The following TENT4B variants were observed in gnomAD, a reference collection of about 807,000 sequenced individuals.
TENT4B encodes the protein PAP associated domain containing 5.
A neutral mutation model predicts 75.0 loss-of-function variants in TENT4B; 10 were observed. The ratio of observed to expected loss-of-function variants is 0.13; its 90% confidence interval spans 0.08 to 0.23. The LOEUF is 0.23. TENT4B is among the 10% of genes least tolerant of loss of function. The pLI, the probability that TENT4B is intolerant of heterozygous loss-of-function variation, is 1.00. For missense variants in TENT4B, 579 were observed against 893.8 expected (o/e 0.65, Z 4.49); for synonymous variants, 350 against 357.7 (o/e 0.98, Z 0.24).
chr16:50,196,763 C>CAAA (rs5816681), intron 1 of TENT4B, among the ~76,000 whole-genome samples: 1 of 138,702 alleles, frequency 7.2e-6, no homozygotes, highest in Non-Finnish European at 1.6e-5. Flanking sequence ...CCTGTCTCTA[C>CAAA]AAAAAAAAAA....
chr16:50,174,758 T>G (rs895304107), intron 1 of TENT4B, among the ~76,000 whole-genome samples: 1 of 149,394 alleles, frequency 6.7e-6, no homozygotes, highest in Non-Finnish European at 1.5e-5. Context: ...TTTTTTTTTT[T>G]TTTTTGATAC....
chr16:50,160,766 C>T (rs2037989698), intron 1 of TENT4B, among the ~76,000 whole-genome samples: 3 of 152,002 alleles, frequency 2.0e-5, no homozygotes, highest in African/African-American at 4.8e-5. Context: ...ATTTTTTTTC[C>T]TGTGGAAAGT....
intron 1 of TENT4B, among the ~76,000 whole-genome samples, chr16:50,192,569 G>T (rs1228750356): frequency 6.6e-6 from 1 of 152,172 alleles, no homozygotes; most frequent in Non-Finnish European, 1.5e-5. Flanking sequence ...TATGGAGCCT[G>T]TGTATTACCA....
chr16:50,218,754 T>G (rs1028972741), intron 5 of TENT4B, among the ~76,000 whole-genome samples: 2 of 152,234 alleles, frequency 1.3e-5, no homozygotes, highest in African/African-American at 4.8e-5. Context: ...ACAGGCTTCC[T>G]TACTTCTGTT....
intron 1 of TENT4B, 144 bp downstream of exon 1, chr16:50,154,403 C>T (rs777551777): frequency 2.4e-6 from 3 of 1,253,090 alleles, no homozygotes; most frequent in Non-Finnish European, 3.1e-6. Flanking sequence ...TGCTGCTGGC[C>T]ATCCCCAACC....
At position 50,232,390 on chromosome 16, in the gene TENT4B, C is replaced by T. The variant is rs1413185068; in HGVS notation, c.*3062C>T. ...TTACCTTTACTTGCATTTTGAGCCT[C>T]ATTAATATTTAGGTTATTTGATTTG... On this transcript the variant is annotated 3_prime_UTR_variant, in exon 12 of 12. Coordinates refer to ENST00000561678, the MANE Select transcript of TENT4B (RefSeq NM_001365324.3). 3 of 985,196 alleles carry T rather than the reference C, an allele frequency of 3.0e-6. No homozygotes were observed. The highest frequency in any genetic ancestry group is 2.4e-6 in the Non-Finnish European group (2 of 829,910). 61.0% of individuals were successfully genotyped at this position (985,196 alleles called of 1,614,324 possible). A position where few individuals can be genotyped will look rare whatever the true frequency, so the allele number is the denominator to read the frequency against.
rs556217573 is a variant in TENT4B at position 50,190,743 on chromosome 16, C to G, written c.639-20580C>G. Among the ~76,000 whole-genome samples the G allele has an allele frequency of 9.9e-5, 15 of 152,130 alleles. No individual in the cohort carries two copies. In the South Asian group the frequency reaches 2.9e-3, roughly 29 times the overall value. On this transcript the variant is annotated intron_variant, in intron 1 of 11. Coordinates refer to ENST00000561678, the MANE Select transcript of TENT4B (RefSeq NM_001365324.3). ...CAATTTACTATCTTAACCATTTAAG[C>G]CTGCAGTTCAGTGGCATTAAATACA...
intron 1 of TENT4B, among the ~76,000 whole-genome samples, chr16:50,193,913 C>T (rs374448823): frequency 3.2e-4 from 49 of 152,206 alleles, no homozygotes; most frequent in African/African-American, 1.0e-3. Context: ...GGGGACTTCC[C>T]GGCCACTGGG....
At chr16:50,156,105 C>T (rs1354811031) in intron 1 of TENT4B, among the ~76,000 whole-genome samples, 1 of 152,086 alleles carries the variant, frequency 6.6e-6, no homozygotes, top group Non-Finnish European at 1.5e-5. Flanking sequence ...ATTTTCATTT[C>T]CCGGAGGGAT....
Position 50,224,640 on chromosome 16 carries a change from G to A in TENT4B, c.1382-17G>A, listed in dbSNP as rs768108458. 44 of 1,613,420 alleles carry A rather than the reference G, an allele frequency of 2.7e-5. No individual in the cohort carries two copies. The highest frequency in any genetic ancestry group is 5.0e-5 in the Admixed American group (3 of 59,966). On this transcript the variant is annotated splice_polypyrimidine_tract_variant and intron_variant, in intron 7 of 11. Transcript: ENST00000561678. ...AGCACAGTCAGGCTTACTATGTTAC[G>A]TATATTTCTTTTAAAGGTAACGATG...
intron 1 of TENT4B, among the ~76,000 whole-genome samples, chr16:50,188,985 G>A (rs761142160): frequency 2.0e-5 from 3 of 152,166 alleles, no homozygotes; most frequent in East Asian, 1.9e-4. Flanking sequence ...TCTCACTGTT[G>A]TCTACTCTGT....
chr16:50,200,687 T>C (rs752934270), intron 1 of TENT4B, among the ~76,000 whole-genome samples: 1 of 152,208 alleles, frequency 6.6e-6, no homozygotes, highest in Non-Finnish European at 1.5e-5. Flanking sequence ...GAGGCCTTTG[T>C]TTAGGTCTTC....
chr16:50,226,800 A>C (rs1007768506), intron 10 of TENT4B, among the ~76,000 whole-genome samples: 1 of 152,192 alleles, frequency 6.6e-6, no homozygotes, highest in Non-Finnish European at 1.5e-5. Context: ...CATATTCACA[A>C]TGTTGTGCAG....
upstream of TENT4B, chr16:50,153,162 G>T (rs2037795032): frequency 3.5e-6 from 1 of 289,720 alleles, no homozygotes; most frequent in South Asian, 1.4e-4. Flanking sequence ...GGGGCGGGGC[G>T]AGCGCGTGAG....
chr16:50,176,241 C>G (rs961089337), intron 1 of TENT4B, among the ~76,000 whole-genome samples: 2 of 151,860 alleles, frequency 1.3e-5, no homozygotes, highest in African/African-American at 4.8e-5. Flanking sequence ...TGCCCATGAC[C>G]ACACCCAGCT....
chr16:50,228,152 G>T (rs1477238886), intron 11 of TENT4B, 149 bp downstream of exon 11: 2 of 982,190 alleles, frequency 2.0e-6, no homozygotes, highest in Non-Finnish European at 3.0e-6. Flanking sequence ...ACACATGACA[G>T]TGCTTCTAGG....
At chr16:50,176,455 C>A (rs1365022669) in intron 1 of TENT4B, among the ~76,000 whole-genome samples, 3 of 146,986 alleles carry the variant, frequency 2.0e-5, no homozygotes, top group African/African-American at 7.5e-5. Context: ...GTAGATCCAA[C>A]CTGTGTTGTT....
chr16:50,224,799 T>C lies in TENT4B; in HGVS notation c.1508+16T>C. ...AAACAGAAAGGTAAAAGTTCATCTA[T>C]AACCAGCCCATTGTGTCAAAATTAG... On this transcript the variant is annotated intron_variant, in intron 8 of 11. Transcript: ENST00000561678. 6.2e-7 allele frequency: 1 copy of C among 1,613,732 alleles called. No individual in the cohort carries two copies. Among genetic ancestry groups the C allele is most frequent in the Non-Finnish European group, 8.5e-7 (1 of 1,179,718 alleles).
At chr16:50,199,697 G>A (rs2030513331) in intron 1 of TENT4B, among the ~76,000 whole-genome samples, 1 of 152,148 alleles carries the variant, frequency 6.6e-6, no homozygotes, top group Non-Finnish European at 1.5e-5. Flanking sequence ...TTCCTGGATT[G>A]ATAGCTCATT....
Sources: gnomAD v4.1 joint callset for allele counts (sites outside exome capture counted in the v4.1 genomes callset) on GRCh38, gnomAD v4.1.1 for gene constraint, MANE v1.5 for transcripts, NCBI Gene and HGNC (gene_info 2026-07-23, HGNC 2026-07-21) for gene names.